DLG2: variants seen among roughly 807,000 people sequenced by gnomAD.
DLG2 encodes the protein discs large MAGUK scaffold protein 2, also known as disks large homolog 2.
DLG2 carries 45 observed loss-of-function variants against 132.5 expected under a neutral mutation model. The ratio of observed to expected loss-of-function variants is 0.34; its 90% confidence interval spans 0.27 to 0.44. DLG2 has a LOEUF of 0.44. DLG2 is among the 20% of genes least tolerant of loss of function. The pLI is 1.00. For synonymous variants in DLG2, 424 were observed against 419.6 expected, an observed-to-expected ratio of 1.01 and a Z score of -0.13; for missense variants, 1,045 against 1,196.9, an observed-to-expected ratio of 0.87 and a Z score of 1.87.
intron 6 of DLG2, among the ~76,000 whole-genome samples, chr11:85,103,009 T>A (rs1055595920): frequency 6.6e-6 from 1 of 151,926 alleles, no homozygotes; most frequent in Admixed American, 6.6e-5. Flanking sequence ...AGAAAACAAC[T>A]TTGTTTACAA....
chr11:85,270,941 G>C (rs72950131), intron 4 of DLG2, among the ~76,000 whole-genome samples: 6,443 of 152,294 alleles, frequency 0.042, 180 homozygotes, highest in East Asian at 0.095. Flanking sequence ...CTGACAATCC[G>C]ATAGAAAGCA....
At chr11:85,141,154 A>G (rs2076443334) in intron 5 of DLG2, among the ~76,000 whole-genome samples, 1 of 151,840 alleles carries the variant, frequency 6.6e-6, no homozygotes, top group South Asian at 2.1e-4. Context: ...ACTCCTCTCC[A>G]TAGTGGATGT....
chr11:84,837,477 G>C (rs1374768624), intron 6 of DLG2, among the ~76,000 whole-genome samples: 1 of 151,752 alleles, frequency 6.6e-6, no homozygotes, highest in African/African-American at 2.4e-5. Context: ...CATTCTCCTA[G>C]ATGGCTCCTA....
chr11:83,483,169 G>A (rs1311024922), intron 22 of DLG2: 2 of 1,085,610 alleles, frequency 1.8e-6, no homozygotes, highest in Admixed American at 1.7e-5. Context: ...GGAGTGAAAG[G>A]CCCTCAGGAA....
chr11:85,025,194 T>C (rs560132417), intron 6 of DLG2, among the ~76,000 whole-genome samples: 5 of 152,332 alleles, frequency 3.3e-5, no homozygotes, highest in South Asian at 4.1e-4. Context: ...CATACCATGA[T>C]AGCACTGCAT....
chr11:85,088,471 A>G (rs2068277553), intron 6 of DLG2, among the ~76,000 whole-genome samples: 1 of 152,224 alleles, frequency 6.6e-6, no homozygotes, highest in Admixed American at 6.5e-5. Flanking sequence ...GAAGAGAATC[A>G]TATAAACATT....
At chr11:85,175,388 C>CA (rs991304387) in intron 4 of DLG2, among the ~76,000 whole-genome samples, 1 of 151,880 alleles carries the variant, frequency 6.6e-6, no homozygotes, top group African/African-American at 2.4e-5. Context: ...CAATAGACAC[C>CA]AAAAAAGTCT....
At chr11:84,249,640 T>C (rs2097346428) in intron 8 of DLG2, among the ~76,000 whole-genome samples, 2 of 152,186 alleles carry the variant, frequency 1.3e-5, no homozygotes, top group South Asian at 4.1e-4. Context: ...GTGTTAGGCA[T>C]ACACTGTTAC....
chr11:83,867,379 T>C (rs893341698), intron 16 of DLG2, among the ~76,000 whole-genome samples: 12 of 152,286 alleles, frequency 7.9e-5, no homozygotes, highest in African/African-American at 2.6e-4. Flanking sequence ...AAATATACAA[T>C]ATTTAATGTT....
At chr11:85,083,249 C>G (rs1456209782) in intron 6 of DLG2, among the ~76,000 whole-genome samples, 1 of 152,120 alleles carries the variant, frequency 6.6e-6, no homozygotes, top group Non-Finnish European at 1.5e-5. Context: ...ACCAGGGTTT[C>G]TCTGAATGGG....
chr11:84,559,415 T>C (rs60696975), intron 6 of DLG2, among the ~76,000 whole-genome samples: 1,732 of 152,232 alleles, frequency 0.011, 26 homozygotes, highest in African/African-American at 0.037. Context: ...TATACTGATA[T>C]AATAAAGTAA....
chr11:85,343,605 T>C (rs2082640094), intron 3 of DLG2, among the ~76,000 whole-genome samples: 3 of 152,294 alleles, frequency 2.0e-5, no homozygotes, highest in African/African-American at 4.8e-5. Context: ...AGTTCACTTA[T>C]GTGTGCACAC....
At chr11:85,311,889 T>C (rs953392305) in intron 3 of DLG2, among the ~76,000 whole-genome samples, 1 of 152,062 alleles carries the variant, frequency 6.6e-6, no homozygotes, top group African/African-American at 2.4e-5. Flanking sequence ...GTTGGCTCTA[T>C]AGTATAAAGT....
chr11:85,400,977 T>A (rs2088026112), intron 3 of DLG2, among the ~76,000 whole-genome samples: 1 of 149,406 alleles, frequency 6.7e-6, no homozygotes, highest in Admixed American at 6.7e-5. Context: ...TCTCCCAAAC[T>A]CATTTTATGA....
intron 6 of DLG2, among the ~76,000 whole-genome samples, chr11:84,554,901 T>G (rs191063399): frequency 2.0e-5 from 3 of 152,202 alleles, no homozygotes; most frequent in Admixed American, 6.5e-5. Flanking sequence ...ATCTCCCATG[T>G]GAAGAGGTGG....
chr11:83,784,985 C>A (rs2094985802), intron 18 of DLG2, among the ~76,000 whole-genome samples: 1 of 152,136 alleles, frequency 6.6e-6, no homozygotes, highest in African/African-American at 2.4e-5. Context: ...AAAGTTCTTA[C>A]TCTATATGAA....
intron 18 of DLG2, among the ~76,000 whole-genome samples, chr11:83,633,743 A>AACACACACAAACACACAC (rs1555268410): frequency 1.4e-5 from 2 of 143,202 alleles, no homozygotes; most frequent in Non-Finnish European, 3.0e-5. Flanking sequence ...CACAGAACTA[A>AACACACACAAACACACAC]ACACACACAC....
At chr11:84,724,891 AGCC>A (rs2062235373) in intron 6 of DLG2, among the ~76,000 whole-genome samples, 1 of 152,184 alleles carries the variant, frequency 6.6e-6, no homozygotes, top group Non-Finnish European at 1.5e-5. Context: ...ATAGAAGAGT[AGCC>A]ACTATCTAAT....
chr11:84,204,454 A>G (rs1313049359), intron 8 of DLG2, among the ~76,000 whole-genome samples: 1 of 152,212 alleles, frequency 6.6e-6, no homozygotes, highest in Non-Finnish European at 1.5e-5. Context: ...AATTAATACA[A>G]GAAAAATTTT....
Sources: allele counts gnomAD v4.1 joint callset (sites outside exome capture counted in the v4.1 genomes callset), GRCh38; gene constraint gnomAD v4.1.1; transcripts MANE v1.5; gene names NCBI Gene and HGNC (gene_info 2026-07-23, HGNC 2026-07-21).